The following TTC7A variants were observed in gnomAD, a reference collection of about 807,000 sequenced individuals.
TTC7A encodes the protein tetratricopeptide repeat protein 7A.
A neutral mutation model predicts 103.7 loss-of-function variants in TTC7A; 110 were observed. That is an observed-to-expected ratio of 1.06 (90% CI 0.91 to 1.24). The LOEUF (loss-of-function observed/expected upper bound fraction) is 1.24, where lower values mean the gene tolerates loss of function less well. Ranked by LOEUF, TTC7A falls within the 50% of genes most tolerant of loss-of-function variation. The probability of loss-of-function intolerance (pLI) is 0.00; values close to 1 mark genes in which losing one functional copy is unlikely to be tolerated. For synonymous variants in TTC7A, 521 were observed against 467.9 expected, an observed-to-expected ratio of 1.11 and a Z score of -1.47; for missense variants, 1,340 against 1,116.3, an observed-to-expected ratio of 1.20 and a Z score of -2.86.
In TTC7A at chr2:47,051,855, G is replaced by T; in HGVS notation, c.2127G>T (p.Thr709=). The change falls in exon 18 of 20, where the codon ACG becomes ACT. Residue 709 remains threonine, a synonymous_variant. Transcript: ENST00000319190. ...AGGGCCCCATGCAGCTGTGGACCAC[G>T]CTGGAACAGATCTGGCTGCAGGCTG... The part of the protein sequence containing the change: ...LKQGPMQLWT[T]LEQIWLQAAE... 6.2e-7 allele frequency: 1 copy of T among 1,611,404 alleles called. No individual in the cohort carries two copies. Among genetic ancestry groups the T allele is most frequent in the Non-Finnish European group, 8.5e-7 (1 of 1,179,294 alleles).
chr2:47,070,629 C>T (rs1453371649), intron 19 of TTC7A, among the ~76,000 whole-genome samples: 1 of 152,168 alleles, frequency 6.6e-6, no homozygotes, highest in South Asian at 2.1e-4. Flanking sequence ...GCTCCGCCCT[C>T]AGGGAAGGCT....
At chr2:47,068,768 C>T (rs976190524) in intron 19 of TTC7A, among the ~76,000 whole-genome samples, 4 of 149,924 alleles carry the variant, frequency 2.7e-5, no homozygotes, top group African/African-American at 9.8e-5. Context: ...TCCTGAAGTC[C>T]ATCACCAACC....
chr2:47,066,563 C>T (rs923110760), intron 19 of TTC7A, among the ~76,000 whole-genome samples: 3 of 152,200 alleles, frequency 2.0e-5, no homozygotes, highest in Non-Finnish European at 4.4e-5. Flanking sequence ...CCCTCTCCCC[C>T]ATCATGGAGG....
At chr2:47,017,020 G>A (rs948639100) in intron 11 of TTC7A, among the ~76,000 whole-genome samples, 20 of 151,920 alleles carry the variant, frequency 1.3e-4, no homozygotes, top group African/African-American at 4.8e-4. Context: ...CTAACATGGT[G>A]AAACCCCATC....
intron 2 of TTC7A, chr2:46,956,593 A>G (rs899712532): frequency 2.0e-6 from 1 of 512,618 alleles, no homozygotes; most frequent in African/African-American, 1.9e-5. Context: ...CTGGGGGCAT[A>G]AAACGCACAC....
At position 47,046,593 on chromosome 2, in the gene TTC7A, G is replaced by A. The variant is rs7593339; in HGVS notation, c.1919+162G>A. 0.23 allele frequency among the ~76,000 whole-genome samples: 34,334 copies of A among 152,128 alleles called. 4,756 individuals are homozygous for A. Among genetic ancestry groups the A allele is most frequent in the East Asian group, 0.5 (2,599 of 5,148 alleles). On this transcript the variant is annotated intron_variant, in intron 16 of 19. Transcript: ENST00000319190. ...ACAGAGCTTTCACATCCATAGTCCAGTTTGAACCTCCTGACAGTCCTCTAT... is the reference window on the plus strand; with the variant it reads ...ACAGAGCTTTCACATCCATAGTCCAATTTGAACCTCCTGACAGTCCTCTAT...
At chr2:46,963,216 A>G (rs539567623) in intron 3 of TTC7A, among the ~76,000 whole-genome samples, 1 of 152,370 alleles carries the variant, frequency 6.6e-6, no homozygotes, top group East Asian at 1.9e-4. Context: ...CAGCAAGGAC[A>G]GAGAATTTTC....
chr2:46,921,670 C>T (rs975474714), intron 2 of TTC7A, among the ~76,000 whole-genome samples: 1 of 152,174 alleles, frequency 6.6e-6, no homozygotes, highest in Non-Finnish European at 1.5e-5. Flanking sequence ...TTTTTGGCAC[C>T]AGGGACCAGT....
intron 4 of TTC7A, among the ~76,000 whole-genome samples, chr2:46,976,750 C>A (rs561071704): frequency 1.3e-5 from 2 of 152,322 alleles, no homozygotes; most frequent in Admixed American, 6.5e-5. Context: ...GTAGCACTAT[C>A]CCCCTTGTTG....
intron 2 of TTC7A, among the ~76,000 whole-genome samples, chr2:46,932,404 C>T (rs1669752289): frequency 1.3e-5 from 2 of 152,148 alleles, no homozygotes; most frequent in African/African-American, 4.8e-5. Flanking sequence ...GCACCTTGGC[C>T]TCCCAAAGTG....
At chr2:47,026,567 G>A (rs1378096296) in intron 14 of TTC7A, among the ~76,000 whole-genome samples, 1 of 152,160 alleles carries the variant, frequency 6.6e-6, no homozygotes, top group Non-Finnish European at 1.5e-5. Flanking sequence ...GAGACTCATG[G>A]GGTTCCTGCA....
intron 13 of TTC7A, among the ~76,000 whole-genome samples, chr2:47,023,996 C>G (rs563288259): frequency 6.6e-6 from 1 of 151,016 alleles, no homozygotes; most frequent in African/African-American, 2.4e-5. Flanking sequence ...ATATTCATCC[C>G]ATCGTCTTTC....
chr2:46,993,919 G>T (rs1243558829), intron 6 of TTC7A, among the ~76,000 whole-genome samples: 6 of 152,268 alleles, frequency 3.9e-5, no homozygotes, highest in South Asian at 4.1e-4. Context: ...TCCTTAGTTT[G>T]TCCAAACCAG....
At chr2:47,021,496 C>T (rs924535076) in intron 11 of TTC7A, among the ~76,000 whole-genome samples, 60 of 152,358 alleles carry the variant, frequency 3.9e-4, no homozygotes, top group Admixed American at 9.8e-4. Flanking sequence ...TGGCTGCCTG[C>T]CTGCTCCATG....
chr2:47,011,361 T>A lies in TTC7A; in HGVS notation c.1318T>A (p.Cys440Ser), dbSNP rs1326323845. 1.2e-6 allele frequency: 2 copies of A among 1,612,428 alleles called. No individual in the cohort carries two copies. Among genetic ancestry groups the A allele is most frequent in the African/African-American group, 1.3e-5 (1 of 74,752 alleles). The change falls in exon 11 of 20, where the codon TGT (cysteine) becomes AGT (serine). Residue 440 changes from cysteine to serine, a missense_variant. By Grantham distance (112) the Cys-to-Ser change is moderately radical. Transcript: ENST00000319190. Reference protein sequence around the residue: ...SAYAVSLLRECVKLRPSDPTV... With the variant: ...SAYAVSLLRESVKLRPSDPTV... ...CTACGCTGTGTCCCTGCTGCGGGAG[T>A]GTGTGAAGTTGCGGCCCTCGGACCC...
intron 2 of TTC7A, among the ~76,000 whole-genome samples, chr2:46,954,800 A>G (rs1671706477): frequency 6.6e-6 from 1 of 152,064 alleles, no homozygotes; most frequent in Admixed American, 6.5e-5. Flanking sequence ...CAAATTCCTG[A>G]TCTTAGGTGA....
At chr2:47,047,776 G>T (rs1423443787) in intron 16 of TTC7A, among the ~76,000 whole-genome samples, 1 of 152,224 alleles carries the variant, frequency 6.6e-6, no homozygotes, top group African/African-American at 2.4e-5. Context: ...CAGCAGAACT[G>T]CAGGGCTGGG....
chr2:46,991,208 A>C (rs1675591849), intron 5 of TTC7A, among the ~76,000 whole-genome samples: 1 of 151,502 alleles, frequency 6.6e-6, no homozygotes, highest in Non-Finnish European at 1.5e-5. Context: ...GAGCCACCAC[A>C]CGTGGCCCAC....
intron 2 of TTC7A, among the ~76,000 whole-genome samples, chr2:46,954,612 C>T (rs943110472): frequency 7.0e-6 from 1 of 143,094 alleles, no homozygotes; most frequent in Non-Finnish European, 1.5e-5. Flanking sequence ...CGCTCTGTCA[C>T]CCAGGCTGGA....
Sources: gnomAD v4.1 joint callset for allele counts (sites outside exome capture counted in the v4.1 genomes callset) on GRCh38, gnomAD v4.1.1 for gene constraint, MANE v1.5 for transcripts, NCBI Gene and HGNC (gene_info 2026-07-23, HGNC 2026-07-21) for gene names.